Variants in UNC5B observed in about 807,000 individuals in gnomAD.
The protein encoded by UNC5B is unc-5 netrin receptor B.
Under a neutral mutation model 103.7 loss-of-function variants are expected in UNC5B, and 56 were observed. That is an observed-to-expected ratio of 0.54 (90% CI 0.44 to 0.67). The LOEUF is 0.67. UNC5B is among the 30% of genes least tolerant of loss of function. The pLI is 0.00. For synonymous variants in UNC5B, 577 were observed against 542.0 expected (o/e 1.06, Z -0.90); for missense variants, 1,194 against 1,284.5 (o/e 0.93, Z 1.08).
chr10:71,293,677 C>T, intron 12 of UNC5B, 23 bp from the exon 13 acceptor site: 2 of 1,597,022 alleles, frequency 1.3e-6, no homozygotes, highest in Non-Finnish European at 1.7e-6. Flanking sequence ...TGACCACTAC[C>T]CCACCCTTGC....
chr10:71,232,972 C>A (rs991929266), intron 1 of UNC5B, among the ~76,000 whole-genome samples: 11 of 152,230 alleles, frequency 7.2e-5, no homozygotes, highest in Non-Finnish European at 1.5e-4. Context: ...TGCGACCTTA[C>A]TCCAGGATTT....
At position 71,284,825 on chromosome 10, in the gene UNC5B, G is replaced by C; in HGVS notation, c.410G>C (p.Gly137Ala). Residue 137 changes from glycine to alanine, a missense_variant, in exon 3 of 17, where the codon GGC becomes GCC. Coordinates refer to ENST00000335350, the MANE Select transcript of UNC5B (RefSeq NM_170744.5). ...CAGTGCGTGGCCTGGAGCTCCGCGG[G>C]CACCACCAAGAGTCGCCGAGCCTAC... is the stretch of plus-strand genomic sequence containing the variant. ...WCQCVAWSSA[G>A]TTKSRRAYVR... 1.2e-6 allele frequency: 2 copies of C among 1,612,914 alleles called. No homozygotes were observed. Among genetic ancestry groups the C allele is most frequent in the Non-Finnish European group, 1.7e-6 (2 of 1,179,626 alleles).
chr10:71,237,534 G>C (rs1843800311), intron 1 of UNC5B, among the ~76,000 whole-genome samples: 1 of 129,056 alleles, frequency 7.7e-6, no homozygotes, highest in Non-Finnish European at 1.8e-5. Context: ...TCTGTAAAGT[G>C]GGGGTAAGAG....
chr10:71,215,687 G>A (rs1843314508), intron 1 of UNC5B, among the ~76,000 whole-genome samples: 1 of 152,194 alleles, frequency 6.6e-6, no homozygotes, highest in Non-Finnish European at 1.5e-5. Flanking sequence ...CCTTCCTGGA[G>A]CTTTTAATGA....
At chr10:71,265,926 G>A (rs2132285575) in intron 1 of UNC5B, among the ~76,000 whole-genome samples, 1 of 152,264 alleles carries the variant, frequency 6.6e-6, no homozygotes, top group Non-Finnish European at 1.5e-5. Context: ...AGCTATCTCT[G>A]TGAGGTGGGA....
At chr10:71,282,054 C>A (rs867799704) in intron 2 of UNC5B, among the ~76,000 whole-genome samples, 13 of 150,308 alleles carry the variant, frequency 8.6e-5, no homozygotes, top group African/African-American at 3.2e-4. Context: ...GTGATTATTA[C>A]TAATAGTAAC....
intron 1 of UNC5B, among the ~76,000 whole-genome samples, chr10:71,245,805 G>A (rs1589162556): frequency 1.3e-5 from 2 of 152,304 alleles, no homozygotes; most frequent in East Asian, 3.9e-4. Flanking sequence ...GGTGCCACAA[G>A]CTGGTGTCCT....
At chr10:71,257,371 A>C (rs1844314539) in intron 1 of UNC5B, among the ~76,000 whole-genome samples, 1 of 152,214 alleles carries the variant, frequency 6.6e-6, no homozygotes, top group Non-Finnish European at 1.5e-5. Flanking sequence ...GAAGGGAAGA[A>C]GAGACGCCCA....
intron 1 of UNC5B, among the ~76,000 whole-genome samples, chr10:71,221,180 C>T (rs1203032637): frequency 6.6e-6 from 1 of 152,216 alleles, no homozygotes; most frequent in Non-Finnish European, 1.5e-5. Context: ...AAATCACCCT[C>T]TGGGAACTCG....
chr10:71,281,694 C>T (rs1223704974), intron 2 of UNC5B, among the ~76,000 whole-genome samples: 1 of 152,206 alleles, frequency 6.6e-6, no homozygotes, highest in Non-Finnish European at 1.5e-5. Context: ...CAGCTGCCCC[C>T]ACTCTTTTTC....
intron 1 of UNC5B, among the ~76,000 whole-genome samples, chr10:71,237,727 G>A (rs1843805403): frequency 6.6e-6 from 1 of 152,218 alleles, no homozygotes; most frequent in African/African-American, 2.4e-5. Context: ...GGATCGGGAA[G>A]GAGGTAGTTT....
chr10:71,221,637 G>A (rs116163514), intron 1 of UNC5B, among the ~76,000 whole-genome samples: 4 of 152,324 alleles, frequency 2.6e-5, no homozygotes, highest in African/African-American at 7.2e-5. Context: ...TTGAAGCATG[G>A]GCCAAGTGCC....
chr10:71,267,792 A>G (rs1028665914), intron 1 of UNC5B, among the ~76,000 whole-genome samples: 1 of 152,186 alleles, frequency 6.6e-6, no homozygotes, highest in Admixed American at 6.5e-5. Context: ...CTGTCTCCCC[A>G]TATCTCACCA....
intron 1 of UNC5B, among the ~76,000 whole-genome samples, chr10:71,239,243 A>G (rs375099565): frequency 3.5e-4 from 54 of 152,262 alleles, no homozygotes; most frequent in African/African-American, 1.1e-3. Flanking sequence ...CATTGGGGGT[A>G]GTGGGGCAGG....
At chr10:71,270,540 G>C (rs529485032) in intron 1 of UNC5B, among the ~76,000 whole-genome samples, 5 of 152,164 alleles carry the variant, frequency 3.3e-5, no homozygotes, top group Non-Finnish European at 7.3e-5. Flanking sequence ...GAGGAAAGTG[G>C]ATTTTAGGGG....
At chr10:71,273,137 C>T (rs532102267) in intron 1 of UNC5B, among the ~76,000 whole-genome samples, 1 of 152,404 alleles carries the variant, frequency 6.6e-6, no homozygotes, top group Non-Finnish European at 1.5e-5. Flanking sequence ...GATCCGCCCG[C>T]CTTGGACTTC....
chr10:71,241,733 C>T (rs1019848984), intron 1 of UNC5B, among the ~76,000 whole-genome samples: 2 of 152,042 alleles, frequency 1.3e-5, no homozygotes, highest in Non-Finnish European at 2.9e-5. Flanking sequence ...GAAAGAGCCT[C>T]CCATTACCAT....
At chr10:71,299,069 G>T (rs140526076) in intron 16 of UNC5B, 43 bp from the exon 17 acceptor site, 9 of 1,610,760 alleles carry the variant, frequency 5.6e-6, no homozygotes, top group Non-Finnish European at 7.6e-6. Flanking sequence ...CCGGGGAGGG[G>T]CTAAGTGCTT....
Position 71,291,032 on chromosome 10 carries a change from T to G in UNC5B, c.1217T>G (p.Phe406Cys), listed in dbSNP as rs144216408. The G allele has an allele frequency of 1.2e-6, 2 of 1,614,090 alleles. No homozygotes were observed. The highest frequency in any genetic ancestry group is 1.7e-6 in the Non-Finnish European group (2 of 1,180,006). The stretch of plus-strand genomic sequence containing the variant: ...GTGTACCGCCGCAACTGCCGTGACT[T>G]CGACACAGACATCACTGACTCATCT... ...VVVYRRNCRD[F>C]DTDITDSSAA... is the part of the protein sequence containing the mutation. The change falls in exon 9 of 17, where the codon TTC becomes TGC. Residue 406 changes from phenylalanine (F) to cysteine (C), a missense_variant. Phe to Cys is a radical substitution (Grantham distance 205). Transcript: ENST00000335350.
Sources: gnomAD v4.1 joint callset for allele counts (sites outside exome capture counted in the v4.1 genomes callset) on GRCh38, gnomAD v4.1.1 for gene constraint, MANE v1.5 for transcripts, NCBI Gene and HGNC (gene_info 2026-07-23, HGNC 2026-07-21) for gene names.